Variants in NALF1 observed in about 807,000 individuals in gnomAD.
NALF1 encodes NALCN channel auxiliary factor 1, also known as family with sequence similarity 155 member A.
Under a neutral mutation model 48.4 loss-of-function variants are expected in NALF1, and 3 were observed. The ratio of observed to expected loss-of-function variants is 0.06; its 90% CI spans 0.03 to 0.16. The LOEUF (loss-of-function observed/expected upper bound fraction) is 0.16. NALF1 is among the 10% of genes least tolerant of loss of function. The pLI is 1.00. For synonymous variants in NALF1, 262 were observed against 245.7 expected (o/e 1.07, Z -0.62); for missense variants, 526 against 571.5 (o/e 0.92, Z 0.81).
At chr13:107,694,579 TCAC>T (rs1881656110) in intron 1 of NALF1, among the ~76,000 whole-genome samples, 1 of 151,916 alleles carries the variant, frequency 6.6e-6, no homozygotes, top group Non-Finnish European at 1.5e-5. Context: ...TACTGTTAAA[TCAC>T]TGACAACTTA....
chr13:107,337,961 T>C (rs1013981956), intron 1 of NALF1, among the ~76,000 whole-genome samples: 8 of 152,116 alleles, frequency 5.3e-5, no homozygotes, highest in African/African-American at 1.7e-4. Flanking sequence ...AAAATTGTGG[T>C]GTCTGTGGTT....
chr13:107,423,781 T>C (rs1157252696), intron 1 of NALF1, among the ~76,000 whole-genome samples: 1 of 152,172 alleles, frequency 6.6e-6, no homozygotes, highest in Admixed American at 6.6e-5. Flanking sequence ...AAAAAGCATT[T>C]TGAGCTTTGG....
Position 107,595,093 on chromosome 13 carries a change from A to G in NALF1, c.915+270589T>C, listed in dbSNP as rs545669823. ...CATAGTTAGAAAGCGTTCAAGGAAC[A>G]TGAACAGACAAGACAGCGACCACGG... is the stretch of plus-strand genomic sequence containing the variant. On this transcript the variant is annotated intron_variant, in intron 1 of 2. Transcript: ENST00000375915. Among the ~76,000 whole-genome samples the G allele has an allele frequency of 1.1e-4, 16 of 152,230 alleles. No individual in the cohort carries two copies. In the South Asian group the frequency reaches 3.3e-3, roughly 32 times the overall value.
chr13:107,704,501 C>G (rs1301873719), intron 1 of NALF1, among the ~76,000 whole-genome samples: 2 of 151,970 alleles, frequency 1.3e-5, no homozygotes, highest in African/African-American at 4.8e-5. Flanking sequence ...GTGTACTTAA[C>G]CTCCCAAAGT....
At chr13:107,213,180 T>C (rs1030583936) in intron 1 of NALF1, among the ~76,000 whole-genome samples, 3 of 136,282 alleles carry the variant, frequency 2.2e-5, no homozygotes, top group African/African-American at 8.1e-5. Context: ...TTATTCTGGC[T>C]CCTTAAATTC....
chr13:107,470,581 A>G (rs1428129789), intron 1 of NALF1, among the ~76,000 whole-genome samples: 4 of 152,192 alleles, frequency 2.6e-5, no homozygotes, highest in Non-Finnish European at 5.9e-5. Flanking sequence ...ACAAATACAC[A>G]TACATACATG....
chr13:107,796,320 C>T (rs1424964018), intron 1 of NALF1, among the ~76,000 whole-genome samples: 1 of 152,122 alleles, frequency 6.6e-6, no homozygotes, highest in Non-Finnish European at 1.5e-5. Flanking sequence ...TTTTATTTTT[C>T]TGGGATTGCT....
At chr13:107,423,908 T>C (rs2139010890) in intron 1 of NALF1, among the ~76,000 whole-genome samples, 1 of 152,298 alleles carries the variant, frequency 6.6e-6, no homozygotes, top group Middle Eastern at 3.4e-3. Flanking sequence ...TCAAATTATT[T>C]ACTTGCAAGA....
intron 2 of NALF1, among the ~76,000 whole-genome samples, chr13:107,195,495 G>A (rs981093670): frequency 7.2e-5 from 11 of 152,054 alleles, no homozygotes; most frequent in Admixed American, 3.3e-4. Context: ...GCCTTTTCAC[G>A]TCTGTAAGTT....
intron 1 of NALF1, among the ~76,000 whole-genome samples, chr13:107,667,983 A>G (rs912362171): frequency 1.3e-5 from 2 of 151,714 alleles, no homozygotes; most frequent in African/African-American, 4.9e-5. Context: ...TTTAATTAAC[A>G]TATTTACAAT....
At chr13:107,657,895 CCTTTA>C (rs912330125) in intron 1 of NALF1, among the ~76,000 whole-genome samples, 1 of 152,124 alleles carries the variant, frequency 6.6e-6, no homozygotes, top group African/African-American at 2.4e-5. Flanking sequence ...ATTTAGAATT[CCTTTA>C]CTTTAGTGAG....
intron 1 of NALF1, among the ~76,000 whole-genome samples, chr13:107,580,146 A>G (rs1258498849): frequency 1.3e-5 from 2 of 152,268 alleles, no homozygotes; most frequent in Non-Finnish European, 2.9e-5. Flanking sequence ...TGTCCTTTGT[A>G]GGGACATAGA....
chr13:107,622,471 CAAA>C (rs59079915), intron 1 of NALF1, among the ~76,000 whole-genome samples: 85,939 of 146,446 alleles, frequency 0.59, 27,293 homozygotes, highest in East Asian at 0.99. Flanking sequence ...ACAACAACAA[CAAA>C]AAAAAAAAAA....
chr13:107,215,633 G>A (rs1879857732), intron 1 of NALF1, among the ~76,000 whole-genome samples: 1 of 152,154 alleles, frequency 6.6e-6, no homozygotes, highest in Non-Finnish European at 1.5e-5. Flanking sequence ...TGCGTTACAT[G>A]CAAATCTGGA....
At chr13:107,738,503 A>T (rs1435995921) in intron 1 of NALF1, among the ~76,000 whole-genome samples, 1 of 152,158 alleles carries the variant, frequency 6.6e-6, no homozygotes, top group Non-Finnish European at 1.5e-5. Flanking sequence ...GTCAATTTGG[A>T]TCAAATAATT....
intron 1 of NALF1, among the ~76,000 whole-genome samples, chr13:107,482,763 G>A (rs1337075067): frequency 6.6e-6 from 1 of 152,172 alleles, no homozygotes; most frequent in Admixed American, 6.5e-5. Flanking sequence ...AAACTGTGAG[G>A]CTTTGACAGT....
chr13:107,557,553 A>T (rs1877516743), intron 1 of NALF1, among the ~76,000 whole-genome samples: 1 of 152,152 alleles, frequency 6.6e-6, no homozygotes, highest in Non-Finnish European at 1.5e-5. Context: ...TGCTGGCACC[A>T]GACCACTGGA....
At chr13:107,530,075 T>C (rs563922717) in intron 1 of NALF1, among the ~76,000 whole-genome samples, 33 of 152,190 alleles carry the variant, frequency 2.2e-4, no homozygotes, top group African/African-American at 7.7e-4. Context: ...TTCAGCAATA[T>C]GGGCTCCCTT....
At chr13:107,338,074 C>T (rs1341394452) in intron 1 of NALF1, among the ~76,000 whole-genome samples, 1 of 152,214 alleles carries the variant, frequency 6.6e-6, no homozygotes, top group Non-Finnish European at 1.5e-5. Flanking sequence ...ATTTTAACAT[C>T]TCCAAAATTG....
Sources: gnomAD v4.1 joint callset for allele counts (sites outside exome capture counted in the v4.1 genomes callset) on GRCh38, gnomAD v4.1.1 for gene constraint, MANE v1.5 for transcripts, NCBI Gene and HGNC (gene_info 2026-07-23, HGNC 2026-07-21) for gene names.